PCDHGB7: variants seen among roughly 807,000 people sequenced by gnomAD.
PCDHGB7 encodes protocadherin gamma subfamily B, 7.
PCDHGB7 carries 37 observed loss-of-function variants against 61.4 expected under a neutral mutation model. The observed-to-expected ratio is 0.60, with a 90% CI of 0.46 to 0.79. The LOEUF is 0.79. Ranked by LOEUF, PCDHGB7 falls within the 30% of genes least tolerant of loss-of-function variation. PCDHGB7 has a pLI of 0.00. For missense variants in PCDHGB7, 1,166 were observed against 1,202.5 expected (o/e 0.97, Z 0.45); for synonymous variants, 464 against 503.5 (o/e 0.92, Z 1.05).
intron 1 of PCDHGB7, among the ~76,000 whole-genome samples, chr5:141,473,033 G>A (rs1199215390): frequency 1.4e-5 from 2 of 146,282 alleles, no homozygotes. Flanking sequence ...AAGGAAGGAA[G>A]GAAAGAAAGA....
intron 2 of PCDHGB7, among the ~76,000 whole-genome samples, chr5:141,500,893 A>G (rs1393294152): frequency 1.1e-5 from 1 of 94,848 alleles, no homozygotes; most frequent in Non-Finnish European, 2.0e-5. Context: ...TTTTTTTGAG[A>G]CAGTCTCGCT....
Position 141,503,999 on chromosome 5 carries a change from C to T in PCDHGB7, c.2475-1394C>T, listed in dbSNP as rs569153055. On this transcript the variant is annotated intron_variant, in intron 2 of 3. Coordinates refer to ENST00000398594, the MANE Select transcript of PCDHGB7 (RefSeq NM_018927.4). Reference sequence around the variant, plus strand: ...AACCCTTCTTCTTACCTTACAGTCACTTAACTGTCTCTGCTGGTCTCTTCC... The same window carrying T: ...AACCCTTCTTCTTACCTTACAGTCATTTAACTGTCTCTGCTGGTCTCTTCC... 2.0e-5 allele frequency among the ~76,000 whole-genome samples: 3 copies of T among 152,286 alleles called. No individual in the cohort carries two copies. The South Asian group carries it at 6.2e-4, about 32-fold the overall frequency.
chr5:141,428,861 T>G (rs1435613271), intron 1 of PCDHGB7: 1 of 73,058 alleles, frequency 1.4e-5, no homozygotes, highest in Non-Finnish European at 2.5e-5. Flanking sequence ...TACGGGAGAC[T>G]TTTTTTTTTT....
At position 141,502,349 on chromosome 5, in the gene PCDHGB7, T is replaced by C. The variant is rs369766657; in HGVS notation, c.2475-3044T>C. 1.3e-3 allele frequency among the ~76,000 whole-genome samples: 200 copies of C among 152,292 alleles called. 3 individuals carry two copies. In the South Asian group the frequency reaches 0.034, roughly 26 times the overall value. On this transcript the variant is annotated intron_variant, in intron 2 of 3. Transcript: ENST00000398594. ...GCTCCCAGTCTTTTTATTTTTTTAA[T>C]GACATGGATATTTTTAAAGAGTCCA...
At chr5:141,446,461 A>G (rs1273508266) in intron 1 of PCDHGB7, among the ~76,000 whole-genome samples, 1 of 151,298 alleles carries the variant, frequency 6.6e-6, no homozygotes, top group Non-Finnish European at 1.5e-5. Flanking sequence ...TCAGTGTGTG[A>G]TTAGACATAT....
intron 1 of PCDHGB7, among the ~76,000 whole-genome samples, chr5:141,451,873 C>A (rs1425706652): frequency 1.3e-5 from 2 of 151,830 alleles, no homozygotes; most frequent in East Asian, 3.9e-4. Context: ...AGAATGAAAC[C>A]CTGTCAAGAA....
intron 1 of PCDHGB7, among the ~76,000 whole-genome samples, chr5:141,437,980 C>T (rs1198278358): frequency 1.3e-5 from 2 of 152,050 alleles, no homozygotes; most frequent in Non-Finnish European, 2.9e-5. Flanking sequence ...TTGGGATGCA[C>T]CCACCCCACC....
intron 1 of PCDHGB7, chr5:141,441,945 G>A: frequency 3.0e-6 from 1 of 333,884 alleles, no homozygotes; most frequent in Non-Finnish European, 5.8e-6. Flanking sequence ...ACCACGTGCT[G>A]CAGGCCAGCA....
intron 1 of PCDHGB7, 162 bp from the exon 2 acceptor site, chr5:141,494,645 G>A: frequency 1.1e-6 from 1 of 935,948 alleles, no homozygotes. Flanking sequence ...GAGACCTGAG[G>A]TGTATTTTGT....
At chr5:141,495,071 C>A (rs1391869079) in intron 2 of PCDHGB7, among the ~76,000 whole-genome samples, 1 of 152,160 alleles carries the variant, frequency 6.6e-6, no homozygotes, top group Non-Finnish European at 1.5e-5. Flanking sequence ...AAGCTCAATT[C>A]ACATGCTTGC....
At chr5:141,429,240 TGA>T (rs998506084) in intron 1 of PCDHGB7, 1 of 151,858 alleles carries the variant, frequency 6.6e-6, no homozygotes, top group Non-Finnish European at 1.5e-5. Context: ...CTGCTGTCAT[TGA>T]GATATTTTAA....
At chr5:141,463,808 T>C (rs1018369312) in intron 1 of PCDHGB7, among the ~76,000 whole-genome samples, 2 of 152,196 alleles carry the variant, frequency 1.3e-5, no homozygotes, top group African/African-American at 4.8e-5. Flanking sequence ...CTAAAAGCTT[T>C]TATCACACAT....
In PCDHGB7 at chr5:141,456,878, G is replaced by T. The variant is rs71583646; in HGVS notation, c.2415+36604G>T. On this transcript the variant is annotated intron_variant, in intron 1 of 3. Coordinates refer to ENST00000398594, the MANE Select transcript of PCDHGB7 (RefSeq NM_018927.4). ...ATTGGGAGGCTGAGGCAGGAGAATCGCTTGAACCCGGGAGGCAGAGGTTGC... is the reference window on the plus strand; with the variant it reads ...ATTGGGAGGCTGAGGCAGGAGAATCTCTTGAACCCGGGAGGCAGAGGTTGC... Among the ~76,000 whole-genome samples, 307 of 152,160 alleles carry T rather than the reference G, an allele frequency of 2.0e-3. 1 individual carries two copies. The highest frequency in any genetic ancestry group is 0.01 in the Middle Eastern group (3 of 294).
rs550977374 is a variant in PCDHGB7, at chr5:141,447,118, G to A, written c.2415+26844G>A. 9.2e-5 allele frequency among the ~76,000 whole-genome samples: 14 copies of A among 151,984 alleles called. No individual in the cohort carries two copies. The East Asian group carries it at 2.7e-3, about 29-fold the overall frequency. ...TTCACATGATTATATGTGCTCCATGGATTTTTTTGTTTGTTTGTTTTTTGT... is the reference window on the plus strand; with the variant it reads ...TTCACATGATTATATGTGCTCCATGAATTTTTTTGTTTGTTTGTTTTTTGT... On this transcript the variant is annotated intron_variant, in intron 1 of 3. Transcript: ENST00000398594.
chr5:141,444,237 T>G (rs1315900009), intron 1 of PCDHGB7, among the ~76,000 whole-genome samples: 1 of 137,132 alleles, frequency 7.3e-6, no homozygotes, highest in Admixed American at 8.0e-5. Flanking sequence ...AATGGCATGC[T>G]CTCGGCTCAC....
At chr5:141,433,352 T>G (rs976015031) in intron 1 of PCDHGB7, 1 of 614,162 alleles carries the variant, frequency 1.6e-6, no homozygotes, top group Admixed American at 3.0e-5. Flanking sequence ...AGCCACCTAC[T>G]GTCTGCCTAT....
chr5:141,483,013 A>C (rs2154579792), intron 1 of PCDHGB7, among the ~76,000 whole-genome samples: 1 of 152,106 alleles, frequency 6.6e-6, no homozygotes, highest in Middle Eastern at 3.4e-3. Flanking sequence ...TGAACCCGGG[A>C]GGCAGAGGTT....
chr5:141,502,331 G>C lies in PCDHGB7; in HGVS notation c.2475-3062G>C, dbSNP rs555959890. ...TCCTTTAATCTGGAGCCAGCTCCCA[G>C]TCTTTTTATTTTTTTAATGACATGG... On this transcript the variant is annotated intron_variant, in intron 2 of 3. Transcript: ENST00000398594. Among the ~76,000 whole-genome samples, 42 of 152,102 alleles carry C rather than the reference G, an allele frequency of 2.8e-4. No individual in the cohort carries two copies. The South Asian group carries it at 6.2e-3, about 23-fold the overall frequency.
At chr5:141,495,605 T>G (rs1201224193) in intron 2 of PCDHGB7, among the ~76,000 whole-genome samples, 2 of 152,228 alleles carry the variant, frequency 1.3e-5, no homozygotes, top group African/African-American at 2.4e-5. Context: ...GCTTCCGTCT[T>G]GATTGCTGCA....
Sources: allele counts gnomAD v4.1 joint callset (sites outside exome capture counted in the v4.1 genomes callset), GRCh38; gene constraint gnomAD v4.1.1; transcripts MANE v1.5; gene names NCBI Gene and HGNC (gene_info 2026-07-23, HGNC 2026-07-21).